Variants in CSGALNACT1 observed in about 807,000 individuals in gnomAD.
CSGALNACT1 encodes chondroitin sulfate N-acetylgalactosaminyltransferase 1.
In CSGALNACT1, 52 loss-of-function variants were observed where a neutral mutation model predicts 51.0. The observed-to-expected ratio is 1.02, with a 90% CI of 0.82 to 1.29. CSGALNACT1 has a LOEUF of 1.29. CSGALNACT1 is among the 50% of genes most tolerant of loss of function. The probability of loss-of-function intolerance (pLI) is 0.00; values close to 1 mark genes in which losing one functional copy is unlikely to be tolerated. For missense variants in CSGALNACT1, 935 were observed against 679.2 expected (o/e 1.38, Z -4.19); for synonymous variants, 341 against 254.4 (o/e 1.34, Z -3.24).
At chr8:19,631,838 T>C (rs2055305148) in intron 1 of CSGALNACT1, among the ~76,000 whole-genome samples, 1 of 152,236 alleles carries the variant, frequency 6.6e-6, no homozygotes, top group African/African-American at 2.4e-5. Context: ...TAAATTACTT[T>C]GTGCTATTTC....
At chr8:19,544,575 G>A (rs2086037015) in intron 3 of CSGALNACT1, among the ~76,000 whole-genome samples, 1 of 152,102 alleles carries the variant, frequency 6.6e-6, no homozygotes, top group African/African-American at 2.4e-5. Context: ...TGACCCTTTT[G>A]CTTTTTAACC....
At chr8:19,428,636 C>A (rs771577281) in intron 6 of CSGALNACT1, among the ~76,000 whole-genome samples, 1 of 152,134 alleles carries the variant, frequency 6.6e-6, no homozygotes, top group Non-Finnish European at 1.5e-5. Flanking sequence ...TACATAAGGA[C>A]TGGCGAATAG....
At chr8:19,624,331 C>T (rs1313643557) in intron 1 of CSGALNACT1, among the ~76,000 whole-genome samples, 18 of 152,174 alleles carry the variant, frequency 1.2e-4, no homozygotes, top group Admixed American at 1.1e-3. Flanking sequence ...TTTGTATTCT[C>T]CACCAGTGAA....
At chr8:19,704,804 A>T (rs1231558520) in intron 1 of CSGALNACT1, among the ~76,000 whole-genome samples, 1 of 152,250 alleles carries the variant, frequency 6.6e-6, no homozygotes, top group African/African-American at 2.4e-5. Flanking sequence ...AACAAGGATG[A>T]ACCTGGAGGA....
intron 3 of CSGALNACT1, among the ~76,000 whole-genome samples, chr8:19,555,275 G>C (rs1338475998): frequency 6.6e-6 from 1 of 151,930 alleles, no homozygotes; most frequent in Non-Finnish European, 1.5e-5. Flanking sequence ...AGAAAAAGAA[G>C]GGTCAGTTAT....
intron 2 of CSGALNACT1, among the ~76,000 whole-genome samples, chr8:19,597,516 G>A (rs943100425): frequency 1.3e-5 from 2 of 151,706 alleles, no homozygotes; most frequent in African/African-American, 4.8e-5. Context: ...ATGTTTCCCA[G>A]GCTGGCCTTG....
At chr8:19,630,369 G>A (rs755008333) in intron 1 of CSGALNACT1, among the ~76,000 whole-genome samples, 1 of 152,108 alleles carries the variant, frequency 6.6e-6, no homozygotes, top group Non-Finnish European at 1.5e-5. Context: ...TACAGGAGAA[G>A]TGAGAGAAAA....
intron 3 of CSGALNACT1, among the ~76,000 whole-genome samples, chr8:19,558,568 G>T (rs1401468069): frequency 6.6e-6 from 1 of 152,070 alleles, no homozygotes; most frequent in East Asian, 1.9e-4. Flanking sequence ...ATTATATCCT[G>T]TATTTTATAT....
upstream of CSGALNACT1, chr8:19,682,813 A>G (rs1488964790): frequency 1.1e-5 from 5 of 450,262 alleles, no homozygotes; most frequent in Non-Finnish European, 2.2e-5. Context: ...GCCAGCACAG[A>G]TAACACTATC....
chr8:19,743,703 T>C (rs1353203569), intron 1 of CSGALNACT1, among the ~76,000 whole-genome samples: 1 of 152,226 alleles, frequency 6.6e-6, no homozygotes, highest in East Asian at 1.9e-4. Context: ...CCCAACATCA[T>C]TGTAATTTAT....
chr8:19,699,746 C>A (rs73218618), intron 1 of CSGALNACT1, among the ~76,000 whole-genome samples: 2,307 of 152,236 alleles, frequency 0.015, 28 homozygotes, highest in South Asian at 0.045. Context: ...CTACCTATTG[C>A]CACTGAATTG....
At chr8:19,486,548 C>T (rs1345489985) in intron 4 of CSGALNACT1, among the ~76,000 whole-genome samples, 1 of 152,134 alleles carries the variant, frequency 6.6e-6, no homozygotes, top group Non-Finnish European at 1.5e-5. Flanking sequence ...AGCATTCCTG[C>T]CCAGAGCTTG....
At chr8:19,442,264 G>A (rs1451804165) in intron 5 of CSGALNACT1, among the ~76,000 whole-genome samples, 1 of 152,132 alleles carries the variant, frequency 6.6e-6, no homozygotes, top group Non-Finnish European at 1.5e-5. Context: ...AAAGACACAT[G>A]CACATGTATG....
chr8:19,518,621 C>T (rs1374384234), intron 3 of CSGALNACT1, among the ~76,000 whole-genome samples: 1 of 152,208 alleles, frequency 6.6e-6, no homozygotes, highest in Non-Finnish European at 1.5e-5. Flanking sequence ...GTAGAGAGAG[C>T]AGTTTCTCTT....
chr8:19,523,678 T>G (rs1345483595), intron 3 of CSGALNACT1, among the ~76,000 whole-genome samples: 5 of 152,162 alleles, frequency 3.3e-5, no homozygotes, highest in Admixed American at 2.0e-4. Context: ...ATTCACGTAA[T>G]CATCAAATAT....
chr8:19,423,603 G>A lies in CSGALNACT1; in HGVS notation c.954-3085C>T, dbSNP rs75744905. On this transcript the variant is annotated intron_variant, in intron 6 of 9. Transcript: ENST00000454498. ...ATAGTCATGGGAAAAGGGGTGGGAA[G>A]AACTTAAGGTACCTAGTGTCTGACA... is the stretch of plus-strand genomic sequence containing the variant. Among the ~76,000 whole-genome samples the A allele has an allele frequency of 6.2e-3, 951 of 152,278 alleles. 9 individuals are homozygous for A. The highest frequency in any genetic ancestry group is 0.022 in the African/African-American group (901 of 41,558).
intron 4 of CSGALNACT1, among the ~76,000 whole-genome samples, chr8:19,468,590 A>G (rs576674042): frequency 1.3e-5 from 2 of 152,190 alleles, no homozygotes; most frequent in Non-Finnish European, 2.9e-5. Context: ...ACGATGGTTT[A>G]GCAGGAAATG....
chr8:19,480,637 C>T (rs1382893108), intron 4 of CSGALNACT1, among the ~76,000 whole-genome samples: 1 of 152,144 alleles, frequency 6.6e-6, no homozygotes, highest in Non-Finnish European at 1.5e-5. Flanking sequence ...TTTAAACAAA[C>T]CTAGCAAAGA....
chr8:19,529,928 A>T (rs562174348), intron 3 of CSGALNACT1, among the ~76,000 whole-genome samples: 9 of 152,210 alleles, frequency 5.9e-5, no homozygotes, highest in African/African-American at 1.9e-4. Context: ...TTTATTTTTT[A>T]AAATAGTCTC....
Sources: allele counts gnomAD v4.1 joint callset (sites outside exome capture counted in the v4.1 genomes callset), GRCh38; gene constraint gnomAD v4.1.1; transcripts MANE v1.5; gene names NCBI Gene and HGNC (gene_info 2026-07-23, HGNC 2026-07-21).